Variants in ATF6 observed in about 807,000 individuals in gnomAD.
ATF6 encodes the protein activating transcription factor 6, also known as cyclic AMP-dependent transcription factor ATF-6 alpha.
Under a neutral mutation model 83.6 loss-of-function variants are expected in ATF6, and 53 were observed. The observed-to-expected ratio is 0.63, with a 90% CI of 0.51 to 0.80. ATF6 has a LOEUF of 0.80. Among genes scored for constraint, ATF6 ranks in the 30% least tolerant of loss-of-function variants. The pLI, the probability that ATF6 is intolerant of heterozygous loss-of-function variation, is 0.00. For missense variants in ATF6, 744 were observed against 797.9 expected, an observed-to-expected ratio of 0.93 and a Z score of 0.81; for synonymous variants, 288 against 285.8, an observed-to-expected ratio of 1.01 and a Z score of -0.08.
At position 161,846,588 on chromosome 1, in the gene ATF6, G is replaced by A. The variant is rs2101819395; in HGVS notation, c.1319+8G>A. 3 of 1,594,604 alleles carry A rather than the reference G, an allele frequency of 1.9e-6. No individual in the cohort carries two copies. The highest frequency in any genetic ancestry group is 2.6e-6 in the Non-Finnish European group (3 of 1,170,304). ...CCAGAAAAACAGCTACAGGTAAGAT[G>A]GCATGCATCTATCTTTTGGCCTAAG... On this transcript the variant is annotated splice_region_variant and intron_variant, in intron 10 of 15. Transcript: ENST00000367942.
At chr1:161,767,847 C>T (rs1026595596) in intron 1 of ATF6, among the ~76,000 whole-genome samples, 1 of 152,054 alleles carries the variant, frequency 6.6e-6, no homozygotes, top group African/African-American at 2.4e-5. Context: ...ATTTTCATGA[C>T]ATTTCTTTTC....
intron 7 of ATF6, among the ~76,000 whole-genome samples, chr1:161,803,302 G>C (rs780423360): frequency 6.6e-6 from 1 of 152,238 alleles, no homozygotes. Context: ...CATAACAAAG[G>C]AATATTGTCT....
At position 161,861,929 on chromosome 1, in the gene ATF6, C is replaced by T. The variant is rs138039450; in HGVS notation, c.1605-1269C>T. Among the ~76,000 whole-genome samples, 7 of 152,212 alleles carry T rather than the reference C, an allele frequency of 4.6e-5. No homozygotes were observed. In the East Asian group the frequency reaches 1.2e-3, roughly 25 times the overall value. On this transcript the variant is annotated intron_variant, in intron 13 of 15. Coordinates refer to ENST00000367942, the MANE Select transcript of ATF6 (RefSeq NM_007348.4). ...TGTGATGTGCTGTGTGGAGAAACTA[C>T]GTATGTTAGATAAGTTTCATTCAGG...
intron 1 of ATF6, among the ~76,000 whole-genome samples, chr1:161,772,917 T>C (rs532003796): frequency 6.6e-6 from 1 of 151,458 alleles, no homozygotes; most frequent in South Asian, 2.1e-4. Flanking sequence ...TCTCCTTGTC[T>C]CTTGAACCCA....
intron 1 of ATF6, among the ~76,000 whole-genome samples, chr1:161,774,228 T>C (rs896681315): frequency 3.2e-4 from 49 of 152,312 alleles, no homozygotes; most frequent in African/African-American, 1.1e-3. Flanking sequence ...GCTATGAGAA[T>C]CCTGATTCCC....
chr1:161,819,572 C>A (rs1685699508), intron 7 of ATF6, 61 bp from the exon 8 acceptor site: 12 of 1,299,662 alleles, frequency 9.2e-6, no homozygotes, highest in Middle Eastern at 2.0e-4. Context: ...TGAGTATATT[C>A]TGATCTATTT....
chr1:161,883,220 C>T (rs1050769824), intron 14 of ATF6, among the ~76,000 whole-genome samples: 7 of 151,578 alleles, frequency 4.6e-5, no homozygotes, highest in Admixed American at 3.3e-4. Flanking sequence ...ACCCTTTTTC[C>T]ATTTTGTGGG....
intron 15 of ATF6, among the ~76,000 whole-genome samples, chr1:161,940,854 G>T (rs1455193934): frequency 6.6e-6 from 1 of 152,128 alleles, no homozygotes; most frequent in Non-Finnish European, 1.5e-5. Flanking sequence ...GAGCCACCGT[G>T]CCTGGCCAGA....
chr1:161,892,425 C>G (rs1687574933), intron 14 of ATF6, among the ~76,000 whole-genome samples: 1 of 152,194 alleles, frequency 6.6e-6, no homozygotes, highest in African/African-American at 2.4e-5. Flanking sequence ...CTTCTATCAT[C>G]TCAGGATCTT....
intron 15 of ATF6, among the ~76,000 whole-genome samples, chr1:161,913,071 ACT>A (rs1418041916): frequency 6.6e-6 from 1 of 152,114 alleles, no homozygotes; most frequent in African/African-American, 2.4e-5. Flanking sequence ...AAGTGAAATA[ACT>A]CACTCCCATT....
chr1:161,850,879 T>TGC (rs981186304), intron 10 of ATF6, among the ~76,000 whole-genome samples: 18 of 152,134 alleles, frequency 1.2e-4, no homozygotes, highest in African/African-American at 4.1e-4. Flanking sequence ...ATAACAGTAA[T>TGC]ATCCCCATCT....
intron 12 of ATF6, among the ~76,000 whole-genome samples, chr1:161,855,435 G>T (rs1474726986): frequency 6.6e-6 from 1 of 152,200 alleles, no homozygotes; most frequent in African/African-American, 2.4e-5. Flanking sequence ...TGGAAGTCAA[G>T]AATTTTAAGT....
chr1:161,885,586 A>G (rs181669556), intron 14 of ATF6, among the ~76,000 whole-genome samples: 35 of 152,240 alleles, frequency 2.3e-4, no homozygotes, highest in African/African-American at 6.5e-4. Flanking sequence ...TTTATATAAT[A>G]TAATATAATT....
At chr1:161,791,371 A>T (rs1254141503) in intron 4 of ATF6, 37 bp from the exon 5 acceptor site, 5 of 1,574,160 alleles carry the variant, frequency 3.2e-6, no homozygotes, top group Non-Finnish European at 4.3e-6. Context: ...CTGCTTAAGG[A>T]TTATACTCAT....
intron 15 of ATF6, among the ~76,000 whole-genome samples, chr1:161,938,232 T>A (rs551191019): frequency 6.6e-6 from 1 of 152,310 alleles, no homozygotes; most frequent in Non-Finnish European, 1.5e-5. Context: ...TTGTTTAAGG[T>A]ATTATATGAG....
chr1:161,767,843 A>G (rs993887288), intron 1 of ATF6, among the ~76,000 whole-genome samples: 3 of 152,114 alleles, frequency 2.0e-5, no homozygotes, highest in Non-Finnish European at 4.4e-5. Context: ...TTATATTTTC[A>G]TGACATTTCT....
intron 9 of ATF6, among the ~76,000 whole-genome samples, chr1:161,840,711 C>T (rs183369715): frequency 5.9e-5 from 9 of 152,168 alleles, no homozygotes; most frequent in East Asian, 1.9e-4. Flanking sequence ...TCCAGACTTT[C>T]GGGGAAATTG....
chr1:161,904,653 C>G (rs1687849701), intron 14 of ATF6, among the ~76,000 whole-genome samples: 1 of 150,882 alleles, frequency 6.6e-6, no homozygotes, highest in African/African-American at 2.4e-5. Flanking sequence ...ACACACAAAA[C>G]TGAATGGAAA....
At chr1:161,859,225 G>C (rs961335183) in intron 12 of ATF6, among the ~76,000 whole-genome samples, 1 of 152,052 alleles carries the variant, frequency 6.6e-6, no homozygotes, top group African/African-American at 2.4e-5. Context: ...TTGTTACAGA[G>C]CCAGAAGTGG....
Sources: gnomAD v4.1 joint callset for allele counts (sites outside exome capture counted in the v4.1 genomes callset) on GRCh38, gnomAD v4.1.1 for gene constraint, MANE v1.5 for transcripts, NCBI Gene and HGNC (gene_info 2026-07-23, HGNC 2026-07-21) for gene names.